Variants in IL1RAPL1 observed in about 807,000 individuals in gnomAD.
The protein encoded by IL1RAPL1 is interleukin 1 receptor accessory protein like 1.
A neutral mutation model predicts 48.4 loss-of-function variants in IL1RAPL1; 3 were observed. That is an observed-to-expected ratio of 0.06 (90% CI 0.03 to 0.16). The LOEUF is 0.16. Ranked by LOEUF, IL1RAPL1 falls within the 10% of genes least tolerant of loss-of-function variation. The pLI is 1.00. For missense variants in IL1RAPL1, 349 were observed against 530.6 expected (o/e 0.66, Z 3.36); for synonymous variants, 185 against 187.7 (o/e 0.99, Z 0.12).
chrX:29,055,652 T>C (rs1194480108), intron 2 of IL1RAPL1, among the ~76,000 whole-genome samples: 1 of 112,115 alleles, frequency 8.9e-6, no homozygotes, highest in East Asian at 2.8e-4. Flanking sequence ...TTCCTGTTTG[T>C]TTTTTCTTTT....
chrX:29,245,090 G>A (rs1359098603), intron 2 of IL1RAPL1, among the ~76,000 whole-genome samples: 3 of 111,084 alleles, frequency 2.7e-5, no homozygotes, highest in Non-Finnish European at 5.7e-5. Flanking sequence ...CCATGTCCCT[G>A]CGAAGGACAT....
chrX:29,528,560 CAG>C (rs1380915880), intron 5 of IL1RAPL1, among the ~76,000 whole-genome samples: 1 of 111,974 alleles, frequency 8.9e-6, no homozygotes, highest in African/African-American at 3.3e-5. Context: ...TTCTGTTGGA[CAG>C]AAGTCTGGGT....
At chrX:29,233,518 C>T (rs1282383901) in intron 2 of IL1RAPL1, among the ~76,000 whole-genome samples, 1 of 111,243 alleles carries the variant, frequency 9.0e-6, no homozygotes, top group Non-Finnish European at 1.9e-5. Flanking sequence ...ACCTATCTGG[C>T]ATCATTCATC....
At chrX:29,460,096 G>C (rs919646438) in intron 5 of IL1RAPL1, among the ~76,000 whole-genome samples, 4 of 111,673 alleles carry the variant, frequency 3.6e-5, no homozygotes, top group African/African-American at 1.3e-4. Context: ...ACTTTTAACG[G>C]AGCCTGCCTA....
chrX:29,951,785 T>C (rs947959911), intron 9 of IL1RAPL1, among the ~76,000 whole-genome samples: 1 of 111,693 alleles, frequency 9.0e-6, no homozygotes, highest in African/African-American at 3.3e-5. Context: ...GTGAGGTGCA[T>C]GATGAAGATG....
chrX:28,725,279 C>T (rs914284183), intron 1 of IL1RAPL1, among the ~76,000 whole-genome samples: 10 of 111,086 alleles, frequency 9.0e-5, no homozygotes, highest in African/African-American at 2.9e-4. Context: ...CACAATCAAA[C>T]ACATAAACAT....
intron 2 of IL1RAPL1, among the ~76,000 whole-genome samples, chrX:28,936,793 A>G (rs1406074974): frequency 9.0e-6 from 1 of 110,870 alleles, no homozygotes; most frequent in Non-Finnish European, 1.9e-5. Context: ...TTTCAACTCT[A>G]AAATTATATG....
At chrX:29,027,755 CTTG>C (rs1236096219) in intron 2 of IL1RAPL1, among the ~76,000 whole-genome samples, 5 of 111,274 alleles carry the variant, frequency 4.5e-5, no homozygotes, top group Non-Finnish European at 9.4e-5. Context: ...GTGCTATCTC[CTTG>C]TTGTTTTAAT....
At chrX:29,178,126 G>T (rs916847131) in intron 2 of IL1RAPL1, among the ~76,000 whole-genome samples, 43 of 111,585 alleles carry the variant, frequency 3.9e-4, no homozygotes, top group African/African-American at 1.3e-3. Context: ...GGATGGCTGG[G>T]TCAAATGGTA....
intron 2 of IL1RAPL1, among the ~76,000 whole-genome samples, chrX:28,800,531 A>G (rs1936660145): frequency 9.0e-6 from 1 of 111,706 alleles, no homozygotes; most frequent in South Asian, 3.8e-4. Flanking sequence ...GTGGAACACT[A>G]GCCCTGAAGA....
intron 6 of IL1RAPL1, among the ~76,000 whole-genome samples, chrX:29,756,765 A>G (rs746194105): frequency 8.9e-6 from 1 of 112,083 alleles, no homozygotes; most frequent in Non-Finnish European, 1.9e-5. Flanking sequence ...GTCCAAAAAG[A>G]TATGTTGAAA....
intron 6 of IL1RAPL1, among the ~76,000 whole-genome samples, chrX:29,897,741 C>A (rs749344262): frequency 1.3e-4 from 14 of 110,115 alleles, no homozygotes; most frequent in Non-Finnish European, 2.3e-4. Context: ...GCTGTACTCC[C>A]AAAGATGATC....
At chrX:28,595,347 CA>C (rs1933943211) in intron 1 of IL1RAPL1, among the ~76,000 whole-genome samples, 1 of 112,244 alleles carries the variant, frequency 8.9e-6, no homozygotes, top group South Asian at 3.7e-4. Context: ...ACAAATGAAT[CA>C]TCGTTAATAT....
At chrX:28,662,394 G>C (rs1379178606) in intron 1 of IL1RAPL1, among the ~76,000 whole-genome samples, 1 of 111,378 alleles carries the variant, frequency 9.0e-6, no homozygotes, top group African/African-American at 3.3e-5. Context: ...CAGGAGGATT[G>C]GTTTTAAAAC....
chrX:29,915,711 ATTCTT>A (rs1932792414), intron 6 of IL1RAPL1, among the ~76,000 whole-genome samples: 1 of 48,804 alleles, frequency 2.0e-5, no homozygotes, highest in Non-Finnish European at 3.7e-5. Flanking sequence ...CTCTGGTAAT[ATTCTT>A]TTTTTTTTTT....
intron 6 of IL1RAPL1, among the ~76,000 whole-genome samples, chrX:29,752,023 A>G (rs960238642): frequency 6.9e-5 from 7 of 101,410 alleles, no homozygotes; most frequent in Non-Finnish European, 1.2e-4. Context: ...ATATGATAAT[A>G]TGTAACTACC....
At chrX:28,902,242 G>A (rs1380487629) in intron 2 of IL1RAPL1, among the ~76,000 whole-genome samples, 1 of 109,468 alleles carries the variant, frequency 9.1e-6, no homozygotes, top group Admixed American at 9.8e-5. Flanking sequence ...CATGACCTCA[G>A]CTCACTGCAA....
At chrX:29,333,705 G>A in intron 3 of IL1RAPL1, among the ~76,000 whole-genome samples, 1 of 83,713 alleles carries the variant, frequency 1.2e-5, no homozygotes, top group Non-Finnish European at 2.3e-5. Flanking sequence ...GGCCGGGCGG[G>A]GGGCTGACCC....
chrX:29,176,644 A>C (rs1602096915), intron 2 of IL1RAPL1, among the ~76,000 whole-genome samples: 1 of 111,069 alleles, frequency 9.0e-6, no homozygotes, highest in African/African-American at 3.3e-5. Context: ...TAGCAACTTA[A>C]GGGATCCATA....
Sources: gnomAD v4.1 joint callset for allele counts (sites outside exome capture counted in the v4.1 genomes callset) on GRCh38, gnomAD v4.1.1 for gene constraint, MANE v1.5 for transcripts, NCBI Gene and HGNC (gene_info 2026-07-23, HGNC 2026-07-21) for gene names.